Variants in SYNDIG1L observed in about 807,000 individuals in gnomAD.
The protein encoded by SYNDIG1L is synapse differentiation inducing 1 like.
SYNDIG1L carries 13 observed loss-of-function variants against 20.1 expected under a neutral mutation model. The observed-to-expected ratio is 0.65, with a 90% CI of 0.42 to 1.03. The LOEUF is 1.03. SYNDIG1L is among the 50% of genes least tolerant of loss of function. The pLI is 0.00. For missense variants in SYNDIG1L, 294 were observed against 305.1 expected, an observed-to-expected ratio of 0.96 and a Z score of 0.27; for synonymous variants, 128 against 129.3, an observed-to-expected ratio of 0.99 and a Z score of 0.07.
At chr14:74,416,129 G>A (rs559214243) in intron 1 of SYNDIG1L, among the ~76,000 whole-genome samples, 1 of 151,984 alleles carries the variant, frequency 6.6e-6, no homozygotes, top group South Asian at 2.1e-4. Context: ...TGTCAGAATT[G>A]TTCTCTCTCT....
At position 74,407,839 on chromosome 14, in the gene SYNDIG1L, G is replaced by A. The variant is rs777945523; in HGVS notation, c.558+10C>T. 1.6e-5 allele frequency: 26 copies of A among 1,608,104 alleles called. No individual in the cohort carries two copies. The East Asian group carries it at 4.7e-4, about 29-fold the overall frequency. On this transcript the variant is annotated intron_variant, in intron 3 of 3. Transcript: ENST00000331628. ...GCCAGAGAAGGGACCTGGGCCCCAG[G>A]TGCTCTTACCCCCTGGGAGAAGTAG...
At chr14:74,413,267 C>A (rs139088620) in intron 1 of SYNDIG1L, among the ~76,000 whole-genome samples, 1 of 152,178 alleles carries the variant, frequency 6.6e-6, no homozygotes, top group South Asian at 2.1e-4. Flanking sequence ...TCTGATGGTG[C>A]CTTTAAGCAG....
At chr14:74,439,754 C>T in the SYNDIG1L span, among the ~76,000 whole-genome samples, 1 of 151,502 alleles carries the variant, frequency 6.6e-6, no homozygotes, top group Non-Finnish European at 1.5e-5. Context: ...TGGTGCATGC[C>T]TGTAATCTCA....
At chr14:74,433,839 C>T in the SYNDIG1L span, among the ~76,000 whole-genome samples, 6 of 152,182 alleles carry the variant, frequency 3.9e-5, no homozygotes, top group Non-Finnish European at 5.9e-5. Flanking sequence ...CAAGGCCTCA[C>T]TCTTAACCTT....
chr14:74,443,009 A>G, the SYNDIG1L span, among the ~76,000 whole-genome samples: 1 of 152,206 alleles, frequency 6.6e-6, no homozygotes, highest in African/African-American at 2.4e-5. Flanking sequence ...GCTGAGTTGT[A>G]TAACAGGCAG....
the SYNDIG1L span, among the ~76,000 whole-genome samples, chr14:74,455,986 G>A: frequency 2.6e-5 from 4 of 152,182 alleles, no homozygotes; most frequent in African/African-American, 7.2e-5. Flanking sequence ...CTTGCCTAAG[G>A]TTATTTAGGT....
At chr14:74,444,427 AG>A in the SYNDIG1L span, among the ~76,000 whole-genome samples, 1 of 152,080 alleles carries the variant, frequency 6.6e-6, no homozygotes, top group East Asian at 1.9e-4. Context: ...TCAGTAAATG[AG>A]AAAAATGAGA....
the SYNDIG1L span, among the ~76,000 whole-genome samples, chr14:74,472,534 T>C: frequency 6.6e-6 from 1 of 152,232 alleles, no homozygotes. Context: ...GGAAATGTTG[T>C]CTCTCCCAAA....
At chr14:74,447,312 A>C in the SYNDIG1L span, among the ~76,000 whole-genome samples, 3 of 150,392 alleles carry the variant, frequency 2.0e-5, no homozygotes, top group Non-Finnish European at 2.9e-5. Flanking sequence ...ATAGCCCCCC[A>C]AAAATTACAA....
chr14:74,466,831 A>T, the SYNDIG1L span, among the ~76,000 whole-genome samples: 1 of 152,232 alleles, frequency 6.6e-6, no homozygotes, highest in Non-Finnish European at 1.5e-5. Flanking sequence ...GCCCCTTGGA[A>T]GCCATTGCTC....
chr14:74,409,895 G>A lies in SYNDIG1L; in HGVS notation c.-57-94C>T. Reference sequence around the variant, plus strand: ...AGCATGGGTCCTGCAGTCTGACTTGGCTCAAACTCTGCCTCTGCCCTTTGC... The same window carrying A: ...AGCATGGGTCCTGCAGTCTGACTTGACTCAAACTCTGCCTCTGCCCTTTGC... On this transcript the variant is annotated intron_variant, in intron 1 of 3. Coordinates refer to ENST00000331628, the MANE Select transcript of SYNDIG1L (RefSeq NM_001105579.2). 13 of 1,023,008 alleles carry A rather than the reference G, an allele frequency of 1.3e-5. No homozygotes were observed. The South Asian group carries it at 5.9e-4, about 47-fold the overall frequency. 63.4% of individuals were successfully genotyped at this position (1,023,008 alleles called of 1,614,324 possible).
the SYNDIG1L span, among the ~76,000 whole-genome samples, chr14:74,460,082 A>G: frequency 6.6e-6 from 1 of 151,486 alleles, no homozygotes; most frequent in Non-Finnish European, 1.5e-5. Context: ...GCTCTCTCCT[A>G]CAGACATGGC....
chr14:74,475,814 G>C, the SYNDIG1L span, among the ~76,000 whole-genome samples: 1 of 152,034 alleles, frequency 6.6e-6, no homozygotes, highest in African/African-American at 2.4e-5. Context: ...GATTTTCCCC[G>C]CCCTCACAAT....
intron 1 of SYNDIG1L, among the ~76,000 whole-genome samples, chr14:74,417,112 G>T (rs1308973019): frequency 2.0e-5 from 3 of 152,210 alleles, no homozygotes; most frequent in African/African-American, 7.2e-5. Flanking sequence ...TAACATGTGG[G>T]GAAACTGGGG....
At chr14:74,472,442 A>T in the SYNDIG1L span, 1 of 152,376 alleles carries the variant, frequency 6.6e-6, no homozygotes, top group South Asian at 2.1e-4. Context: ...TCCATTAATT[A>T]ATTATCTCAA....
the SYNDIG1L span, among the ~76,000 whole-genome samples, chr14:74,441,686 T>A: frequency 1.3e-5 from 2 of 151,626 alleles, no homozygotes; most frequent in South Asian, 2.1e-4. Context: ...CTTTTTAAAC[T>A]TTTTTTTGTA....
intron 1 of SYNDIG1L, among the ~76,000 whole-genome samples, chr14:74,415,187 C>A (rs1189268645): frequency 6.6e-6 from 1 of 152,140 alleles, no homozygotes; most frequent in Non-Finnish European, 1.5e-5. Flanking sequence ...AACAAACCAG[C>A]CCTCACAGCA....
chr14:74,418,710 T>C (rs937023331), intron 1 of SYNDIG1L, among the ~76,000 whole-genome samples: 1 of 152,198 alleles, frequency 6.6e-6, no homozygotes, highest in Non-Finnish European at 1.5e-5. Context: ...TGAGCCATTC[T>C]GTAAGTAGTT....
chr14:74,427,040 C>A (rs1391629977), upstream of SYNDIG1L, among the ~76,000 whole-genome samples: 3 of 151,666 alleles, frequency 2.0e-5, no homozygotes, highest in African/African-American at 7.3e-5. Context: ...CAGCAAGAGC[C>A]CTGAGATCCG....
Sources: gnomAD v4.1 joint callset for allele counts (sites outside exome capture counted in the v4.1 genomes callset) on GRCh38, gnomAD v4.1.1 for gene constraint, MANE v1.5 for transcripts, NCBI Gene and HGNC (gene_info 2026-07-23, HGNC 2026-07-21) for gene names.